FLVCR2: variants seen among roughly 807,000 people sequenced by gnomAD.
FLVCR2 encodes the protein choline/ethanolamine transporter FLVCR2.
In FLVCR2, 38 loss-of-function variants were observed where a neutral mutation model predicts 48.9. That is an observed-to-expected ratio of 0.78 (90% CI 0.60 to 1.02). The LOEUF is 1.02. Among genes scored for constraint, FLVCR2 ranks in the 50% least tolerant of loss-of-function variants. The pLI, the probability that FLVCR2 is intolerant of heterozygous loss-of-function variation, is 0.00. For missense variants in FLVCR2, 664 were observed against 663.3 expected (o/e 1.00, Z -0.01); for synonymous variants, 255 against 257.0 (o/e 0.99, Z 0.07).
chr14:75,586,182 G>A (rs140065167), intron 1 of FLVCR2, among the ~76,000 whole-genome samples: 1 of 152,366 alleles, frequency 6.6e-6, no homozygotes, highest in East Asian at 1.9e-4. Context: ...GTCAGCAAAG[G>A]GCGGGAATTA....
chr14:75,619,338 C>T (rs562796696), intron 1 of FLVCR2, among the ~76,000 whole-genome samples: 1 of 152,130 alleles, frequency 6.6e-6, no homozygotes, highest in Admixed American at 6.5e-5. Flanking sequence ...CTAGGGTATC[C>T]TACCCTCTCC....
At chr14:75,591,750 TCCCCC>T (rs1888885907) in intron 1 of FLVCR2, among the ~76,000 whole-genome samples, 1 of 149,284 alleles carries the variant, frequency 6.7e-6, no homozygotes, top group Non-Finnish European at 1.5e-5. Flanking sequence ...CTGTGGTGGC[TCCCCC>T]ACATGGCAGG....
chr14:75,647,106 A>G lies in FLVCR2; in HGVS notation c.*634A>G, dbSNP rs2140059477. On this transcript the variant is annotated 3_prime_UTR_variant, in exon 10 of 10. Transcript: ENST00000238667. ...GCAAACCAACCATAATAAACTTGAC[A>G]AAAGACTTTGTTGTGGCCATGACAG... 6.3e-6 allele frequency: 1 copy of G among 159,698 alleles called. No homozygotes were observed. The highest frequency in any genetic ancestry group is 2.4e-5 in the African/African-American group (1 of 41,648). The allele number at this position is 159,698 out of a possible 1,614,324, so 9.9% of individuals were successfully genotyped here. A position where few individuals can be genotyped will look rare whatever the true frequency, so the allele number is the denominator to read the frequency against.
chr14:75,596,323 A>G (rs1889020512), intron 1 of FLVCR2: 1 of 412,262 alleles, frequency 2.4e-6, no homozygotes, highest in East Asian at 5.0e-5. Flanking sequence ...CAAGGCCAGT[A>G]GTGACTAAAG....
chr14:75,584,581 G>A (rs1455326468), intron 1 of FLVCR2, among the ~76,000 whole-genome samples: 1 of 152,138 alleles, frequency 6.6e-6, no homozygotes, highest in Non-Finnish European at 1.5e-5. Context: ...CCTTCAACTA[G>A]GCAGGAAACC....
chr14:75,625,087 A>ATT (rs11455736), intron 3 of FLVCR2, among the ~76,000 whole-genome samples: 1 of 150,368 alleles, frequency 6.7e-6, no homozygotes, highest in African/African-American at 2.5e-5. Flanking sequence ...TTAAAAAAAA[A>ATT]TTTTTTTGCA....
chr14:75,604,789 T>C (rs931219716), intron 1 of FLVCR2, among the ~76,000 whole-genome samples: 1 of 151,996 alleles, frequency 6.6e-6, no homozygotes, highest in Non-Finnish European at 1.5e-5. Context: ...TGACCAGGGG[T>C]TGGTACATAG....
intron 3 of FLVCR2, among the ~76,000 whole-genome samples, chr14:75,633,395 A>G (rs979053973): frequency 2.6e-5 from 4 of 152,218 alleles, no homozygotes; most frequent in Non-Finnish European, 5.9e-5. Context: ...TCAGAGAGCA[A>G]TAGTGTGTGG....
At position 75,579,107 on chromosome 14, in the gene FLVCR2, C is replaced by T. The variant is rs376955487; in HGVS notation, c.135C>T (p.Val45=). ...VHPSVSINPS[V]SVHPSSSAHP... ...CCAGCGTCTCCATCAACCCCAGCGT[C>T]TCTGTCCACCCCAGCAGTTCGGCCC... Residue 45 remains valine, a synonymous_variant, in exon 1 of 10, where the codon GTC becomes GTT. Coordinates refer to ENST00000238667, the MANE Select transcript of FLVCR2 (RefSeq NM_017791.3). The T allele has an allele frequency of 7.2e-5, 117 of 1,613,946 alleles. No homozygotes were observed. The highest frequency in any genetic ancestry group is 9.0e-5 in the Non-Finnish European group (106 of 1,179,942).
Position 75,610,520 on chromosome 14 carries a change from C to T in FLVCR2, c.670-11559C>T, listed in dbSNP as rs192604121. On this transcript the variant is annotated intron_variant, in intron 1 of 9. Coordinates refer to ENST00000238667, the MANE Select transcript of FLVCR2 (RefSeq NM_017791.3). ...TTTCTTCACCTAAACTTAGCAACTT[C>T]TCTGTTTACAGCCTAGTGTATCTCT... is the stretch of plus-strand genomic sequence containing the variant. 2.9e-3 allele frequency among the ~76,000 whole-genome samples: 437 copies of T among 152,134 alleles called. 2 individuals carry two copies. The highest frequency in any genetic ancestry group is 0.017 in the Middle Eastern group (5 of 294).
intron 1 of FLVCR2, among the ~76,000 whole-genome samples, chr14:75,591,333 C>G (rs1333128063): frequency 6.6e-6 from 1 of 152,238 alleles, no homozygotes; most frequent in Non-Finnish European, 1.5e-5. Flanking sequence ...ATGAGCCACA[C>G]CAAGCCCTGG....
chr14:75,645,054 G>T (rs1157258085), intron 9 of FLVCR2, among the ~76,000 whole-genome samples: 2 of 145,894 alleles, frequency 1.4e-5, no homozygotes, highest in Non-Finnish European at 1.6e-5. Flanking sequence ...GTGTGTGTGT[G>T]TGTGTGTGTG....
chr14:75,582,425 T>C (rs559476147), intron 1 of FLVCR2, among the ~76,000 whole-genome samples: 1 of 152,264 alleles, frequency 6.6e-6, no homozygotes, highest in African/African-American at 2.4e-5. Flanking sequence ...AGAAAGTATA[T>C]GCATCAGGTG....
rs149305629 is a variant in FLVCR2, at chr14:75,599,948, C to T, written c.669+20307C>T. On this transcript the variant is annotated intron_variant, in intron 1 of 9. Transcript: ENST00000238667. ...GTTGTCAGAGGCGTTTGAACAAGAG[C>T]GACTCCATCTTGAATAGGGGCTGGG... Among the ~76,000 whole-genome samples the T allele has an allele frequency of 2.7e-3, 406 of 152,214 alleles. 3 individuals are homozygous for T. Among genetic ancestry groups the T allele is most frequent in the African/African-American group, 9.2e-3 (382 of 41,524 alleles).
rs73305473 is a variant in FLVCR2, at chr14:75,591,718, G to A, written c.669+12077G>A. Among the ~76,000 whole-genome samples, 628 of 151,978 alleles carry A rather than the reference G, an allele frequency of 4.1e-3. 3 individuals carry two copies. The highest frequency in any genetic ancestry group is 0.013 in the African/African-American group (554 of 41,406). On this transcript the variant is annotated intron_variant, in intron 1 of 9. Coordinates refer to ENST00000238667, the MANE Select transcript of FLVCR2 (RefSeq NM_017791.3). ...TGCTGTGGCCTCACATTTCTGCTTG[G>A]CATTGTCTTAGCAGAGGCTGTCTGT...
chr14:75,595,545 G>A (rs955597442), intron 1 of FLVCR2, among the ~76,000 whole-genome samples: 2 of 152,206 alleles, frequency 1.3e-5, no homozygotes, highest in Non-Finnish European at 2.9e-5. Context: ...ACTTGGGTAT[G>A]TTGCAGTCCA....
intron 3 of FLVCR2, among the ~76,000 whole-genome samples, chr14:75,627,107 ATG>A (rs925997104): frequency 6.6e-6 from 1 of 151,904 alleles, no homozygotes; most frequent in Non-Finnish European, 1.5e-5. Context: ...AGCCTAGGCC[ATG>A]CTGTGGGGAG....
At chr14:75,590,711 T>C (rs115476561) in intron 1 of FLVCR2, among the ~76,000 whole-genome samples, 138 of 152,358 alleles carry the variant, frequency 9.1e-4, no homozygotes, top group African/African-American at 3.3e-3. Context: ...GCTTCTACTC[T>C]GTCCAGGTGA....
At chr14:75,616,782 G>C (rs903626360) in intron 1 of FLVCR2, among the ~76,000 whole-genome samples, 1 of 152,226 alleles carries the variant, frequency 6.6e-6, no homozygotes, top group Non-Finnish European at 1.5e-5. Context: ...CTCCTAACAG[G>C]AGCAGGATCC....
Sources: gnomAD v4.1 joint callset for allele counts (sites outside exome capture counted in the v4.1 genomes callset) on GRCh38, gnomAD v4.1.1 for gene constraint, MANE v1.5 for transcripts, NCBI Gene and HGNC (gene_info 2026-07-23, HGNC 2026-07-21) for gene names.